The following INSC variants were observed in gnomAD, a reference collection of about 807,000 sequenced individuals.
INSC encodes the protein INSC spindle orientation adaptor protein.
In INSC, 67 loss-of-function variants were observed where a neutral mutation model predicts 58.6. The observed-to-expected ratio is 1.14, with a 90% CI of 0.94 to 1.40. INSC has a LOEUF of 1.40. Among genes scored for constraint, INSC ranks in the 40% most tolerant of loss-of-function variants. The pLI, the probability that INSC is intolerant of heterozygous loss-of-function variation, is 0.00. For synonymous variants in INSC, 262 were observed against 276.1 expected (o/e 0.95, Z 0.51); for missense variants, 714 against 692.0 (o/e 1.03, Z -0.36).
At chr11:15,226,430 T>C (rs1239290231) in intron 9 of INSC, among the ~76,000 whole-genome samples, 2 of 152,198 alleles carry the variant, frequency 1.3e-5, no homozygotes, top group Admixed American at 1.3e-4. Context: ...ACTAAAAGTG[T>C]TTGAAAACAT....
intron 2 of INSC, among the ~76,000 whole-genome samples, chr11:15,163,179 A>G (rs1849076518): frequency 6.6e-6 from 1 of 152,198 alleles, no homozygotes; most frequent in African/African-American, 2.4e-5. Context: ...TTCCTTGAGT[A>G]TTTTAAATAT....
rs1044059038 is a variant in INSC at position 15,127,559 on chromosome 11, C to T, written c.-46+12556C>T. Among the ~76,000 whole-genome samples the T allele has an allele frequency of 2.6e-5, 4 of 152,334 alleles. No individual in the cohort carries two copies. The East Asian group carries it at 5.8e-4, about 22-fold the overall frequency. ...TGTCCTGTTTGTCTTGTGCTGTATA[C>T]TTGGCAGAGGGCTTCCACATGGAGA... On this transcript the variant is annotated intron_variant, in intron 1 of 12. Transcript: ENST00000379556.
chr11:15,175,934 A>G lies in INSC; in HGVS notation c.250A>G (p.Ile84Val), dbSNP rs375704698. 1.7e-4 allele frequency: 277 copies of G among 1,614,092 alleles called. No individual in the cohort carries two copies. Among genetic ancestry groups the G allele is most frequent in the Non-Finnish European group, 2.0e-4 (236 of 1,180,032 alleles). ...LQLLLKRGWVISTELRRIGQK... is the reference protein window; with the variant it reads ...LQLLLKRGWVVSTELRRIGQK... ...GCTGCTGCTCAAACGGGGTTGGGTC[A>G]TTAGCACAGAGCTGCGCAGGATCGG... The change falls in exon 3 of 13, where the codon ATT becomes GTT. Residue 84 changes from isoleucine (I) to valine (V), a missense_variant. Physicochemically the swap from Ile to Val is conservative, Grantham distance 29 (BLOSUM62 3). Transcript: ENST00000379556.
chr11:15,206,072 T>A (rs776138858), intron 7 of INSC, among the ~76,000 whole-genome samples: 1 of 152,204 alleles, frequency 6.6e-6, no homozygotes, highest in Non-Finnish European at 1.5e-5. Flanking sequence ...CTTCAGGACA[T>A]CTGTCCTTCC....
intron 1 of INSC, among the ~76,000 whole-genome samples, chr11:15,121,744 TC>T: frequency 6.6e-6 from 1 of 152,294 alleles, no homozygotes; most frequent in East Asian, 1.9e-4. Flanking sequence ...AAAAATCTTT[TC>T]CCCACTCCCT....
At chr11:15,192,386 T>C (rs1172532900) in intron 6 of INSC, among the ~76,000 whole-genome samples, 1 of 152,214 alleles carries the variant, frequency 6.6e-6, no homozygotes, top group Non-Finnish European at 1.5e-5. Flanking sequence ...CACACTCAAT[T>C]CTGTATTCTT....
chr11:15,115,779 C>T (rs1474211943), intron 1 of INSC, among the ~76,000 whole-genome samples: 3 of 152,220 alleles, frequency 2.0e-5, no homozygotes, highest in Non-Finnish European at 2.9e-5. Context: ...ACACACTCTT[C>T]TCAGGATAGC....
At chr11:15,179,697 T>TGCTGGGGCAGCACTTGGA (rs1333543508) in intron 5 of INSC, among the ~76,000 whole-genome samples, 3 of 152,110 alleles carry the variant, frequency 2.0e-5, no homozygotes, top group Non-Finnish European at 4.4e-5. Context: ...CAGGCTGGGG[T>TGCTGGGGCAGCACTTGGA]GCTGGGGCAG....
At chr11:15,131,202 A>G (rs1032046233) in intron 1 of INSC, among the ~76,000 whole-genome samples, 1 of 152,036 alleles carries the variant, frequency 6.6e-6, no homozygotes, top group Admixed American at 6.5e-5. Flanking sequence ...TTTTATCTAT[A>G]TACTACATGA....
chr11:15,125,003 G>A (rs891215659), intron 1 of INSC, among the ~76,000 whole-genome samples: 2 of 152,124 alleles, frequency 1.3e-5, no homozygotes, highest in African/African-American at 4.8e-5. Context: ...ATTTGGTTTG[G>A]GAAGATGGAC....
chr11:15,111,473 C>T (rs1847576644), upstream of INSC, among the ~76,000 whole-genome samples: 1 of 152,186 alleles, frequency 6.6e-6, no homozygotes, highest in East Asian at 1.9e-4. Context: ...GCCATCTGGA[C>T]AGGAGAAGAA....
At chr11:15,193,651 A>G (rs1475898997) in intron 6 of INSC, among the ~76,000 whole-genome samples, 1 of 152,226 alleles carries the variant, frequency 6.6e-6, no homozygotes, top group Non-Finnish European at 1.5e-5. Flanking sequence ...ATAGTATTCC[A>G]TGGTGTATAT....
At chr11:15,243,341 T>A (rs1187010680) in intron 12 of INSC, among the ~76,000 whole-genome samples, 1 of 152,166 alleles carries the variant, frequency 6.6e-6, no homozygotes, top group Non-Finnish European at 1.5e-5. Context: ...ACTTATTGTC[T>A]CCCCTGTCTG....
intron 7 of INSC, among the ~76,000 whole-genome samples, chr11:15,204,835 G>C (rs748053902): frequency 2.0e-5 from 3 of 152,198 alleles, no homozygotes. Context: ...TGCTGGATTT[G>C]GTGAAATTCG....
At chr11:15,207,986 C>T (rs997963956) in intron 7 of INSC, among the ~76,000 whole-genome samples, 1 of 152,124 alleles carries the variant, frequency 6.6e-6, no homozygotes, top group Non-Finnish European at 1.5e-5. Context: ...AGTGTGCCCC[C>T]TGGTCCCATT....
chr11:15,238,873 G>T (rs371149493), intron 10 of INSC, 46 bp from the exon 11 acceptor site: 62 of 1,585,982 alleles, frequency 3.9e-5, no homozygotes, highest in East Asian at 2.0e-4. Context: ...CATGGGGAAG[G>T]CTCCATGCTG....
chr11:15,223,731 G>A (rs1017807222), intron 8 of INSC, among the ~76,000 whole-genome samples: 1 of 152,198 alleles, frequency 6.6e-6, no homozygotes, highest in African/African-American at 2.4e-5. Flanking sequence ...GCCTGGAAGG[G>A]GCTGGGGACT....
intron 9 of INSC, 73 bp from the exon 10 acceptor site, chr11:15,235,529 T>A: frequency 8.6e-7 from 1 of 1,163,880 alleles, no homozygotes; most frequent in Non-Finnish European, 1.3e-6. Context: ...AGCCCCTGGC[T>A]GACCTGTCTG....
At chr11:15,255,736 A>ATGTGTGTGTGTGTGTATGTGTGTGTG in the INSC span, among the ~76,000 whole-genome samples, 2 of 147,912 alleles carry the variant, frequency 1.4e-5, no homozygotes. Flanking sequence ...AAGTGTGTGT[A>ATGTGTGTGTGTGTGTATGTGTGTGTG]TGTGTGTGTG....
Sources: allele counts gnomAD v4.1 joint callset (sites outside exome capture counted in the v4.1 genomes callset), GRCh38; gene constraint gnomAD v4.1.1; transcripts MANE v1.5; gene names NCBI Gene and HGNC (gene_info 2026-07-23, HGNC 2026-07-21).